Variants in FAM20A observed in about 807,000 individuals in gnomAD.
The protein encoded by FAM20A is pseudokinase FAM20A.
Under a neutral mutation model 52.0 loss-of-function variants are expected in FAM20A, and 42 were observed. The observed-to-expected ratio is 0.81, with a 90% CI of 0.63 to 1.04. The LOEUF is 1.04. FAM20A is among the 50% of genes least tolerant of loss of function. FAM20A has a pLI of 0.00. For missense variants in FAM20A, 742 were observed against 712.7 expected, an observed-to-expected ratio of 1.04 and a Z score of -0.47; for synonymous variants, 304 against 298.9, an observed-to-expected ratio of 1.02 and a Z score of -0.18.
chr17:68,554,350 C>G (rs2143701295), intron 3 of FAM20A, among the ~76,000 whole-genome samples: 1 of 152,266 alleles, frequency 6.6e-6, no homozygotes, highest in South Asian at 2.1e-4. Context: ...ATCCACCCGC[C>G]TCGGACTCCC....
chr17:68,554,719 G>C, intron 3 of FAM20A, 58 bp downstream of exon 3: 1 of 1,574,862 alleles, frequency 6.3e-7, no homozygotes, highest in Non-Finnish European at 8.7e-7. Flanking sequence ...GTGGGTTTTG[G>C]GGTTTGCACA....
intron 1 of FAM20A, among the ~76,000 whole-genome samples, chr17:68,589,631 T>C (rs1046822712): frequency 2.0e-5 from 3 of 152,178 alleles, no homozygotes; most frequent in African/African-American, 7.2e-5. Context: ...AAGTTTACTC[T>C]ATTTTCAAAT....
intron 4 of FAM20A, chr17:68,550,981 G>T: frequency 9.7e-7 from 1 of 1,034,492 alleles, no homozygotes; most frequent in Non-Finnish European, 1.2e-6. Flanking sequence ...CTGAAGGTTT[G>T]GAATCTGCCA....
At chr17:68,563,381 C>G (rs1299943478) in intron 1 of FAM20A, among the ~76,000 whole-genome samples, 1 of 71,520 alleles carries the variant, frequency 1.4e-5, no homozygotes, top group South Asian at 6.5e-4. Context: ...AGTGAGACTC[C>G]GTCTCAAAAA....
intron 1 of FAM20A, among the ~76,000 whole-genome samples, chr17:68,565,673 C>T (rs542564353): frequency 2.6e-5 from 4 of 152,258 alleles, no homozygotes; most frequent in African/African-American, 9.6e-5. Flanking sequence ...GGATTACAGG[C>T]ATGAGCCATC....
intron 3 of FAM20A, 37 bp from the exon 4 acceptor site, chr17:68,551,988 G>C (rs376979878): frequency 1.4e-6 from 2 of 1,397,804 alleles, no homozygotes; most frequent in African/African-American, 1.4e-5. Context: ...CCATGCTTCC[G>C]GGCCTCAGCC....
At chr17:68,544,287 G>T (rs1221132043) in intron 4 of FAM20A, among the ~76,000 whole-genome samples, 3 of 152,160 alleles carry the variant, frequency 2.0e-5, no homozygotes, top group Non-Finnish European at 4.4e-5. Flanking sequence ...AGGGCTGGGG[G>T]CAGCTGGTGC....
Position 68,600,805 on chromosome 17 carries a change from C to T in FAM20A, c.-139G>A. On this transcript the variant is annotated 5_prime_UTR_variant, in exon 1 of 11. Transcript: ENST00000592554. The surrounding 1 kb of genome is among the most constrained non-coding windows in gnomAD (Gnocchi z 6.2). ...CAGTGAGACCGGAATGCTCCCCGCGCGGGCTAGTCCCCTGTGGAGGGGTGT... is the reference window on the plus strand; with the variant it reads ...CAGTGAGACCGGAATGCTCCCCGCGTGGGCTAGTCCCCTGTGGAGGGGTGT... 1 of 926,258 alleles carries T rather than the reference C, an allele frequency of 1.1e-6. No individual in the cohort carries two copies. Among genetic ancestry groups the T allele is most frequent in the Non-Finnish European group, 1.6e-6 (1 of 639,214 alleles). The allele number at this position is 926,258 out of a possible 1,614,324, so 57.4% of individuals were successfully genotyped here. A position where few individuals can be genotyped will look rare whatever the true frequency, so the allele number is the denominator to read the frequency against.
chr17:68,561,774 C>T (rs1014799869), intron 1 of FAM20A, among the ~76,000 whole-genome samples: 2 of 152,118 alleles, frequency 1.3e-5, no homozygotes, highest in East Asian at 3.9e-4. Flanking sequence ...GTTGGCACAT[C>T]GTTCTAGAGG....
intron 1 of FAM20A, among the ~76,000 whole-genome samples, chr17:68,561,948 G>A (rs755744708): frequency 2.0e-5 from 3 of 152,090 alleles, no homozygotes; most frequent in African/African-American, 4.8e-5. Context: ...TCAGCCTCCC[G>A]AGTAGCTGGG....
chr17:68,575,631 T>TAA lies in FAM20A; in HGVS notation c.405-19890_405-19889dup, dbSNP rs552992899. ...TATATTCTATATTATATATAAAATA[T>TAA]AATATAGAATATTATATTTTATATA... On this transcript the variant is annotated intron_variant, in intron 1 of 10. Transcript: ENST00000592554. Among the ~76,000 whole-genome samples the TAA allele has an allele frequency of 2.7e-5, 3 of 111,182 alleles. No homozygotes were observed. In the East Asian group the frequency reaches 6.7e-4, roughly 25 times the overall value. The allele number at this position is 111,182 out of a possible 152,430, so 72.9% of individuals were successfully genotyped here. A position where few individuals can be genotyped will look rare whatever the true frequency, so the allele number is the denominator to read the frequency against.
chr17:68,544,532 G>A (rs1259750265), intron 4 of FAM20A, among the ~76,000 whole-genome samples: 2 of 152,156 alleles, frequency 1.3e-5, no homozygotes, highest in Non-Finnish European at 2.9e-5. Context: ...CTGTTGAAAC[G>A]ACTGCAAGGC....
intron 1 of FAM20A, among the ~76,000 whole-genome samples, chr17:68,584,466 G>GTTGTCCACAGTGGATTCCAT (rs2088110868): frequency 6.6e-6 from 1 of 152,208 alleles, no homozygotes; most frequent in African/African-American, 2.4e-5. Context: ...AACAGGGCTT[G>GTTGTCCACAGTGGATTCCAT]GTAAGGACAA....
rs1228431183 is a variant in FAM20A at position 68,600,284 on chromosome 17, C to T, written c.383G>A (p.Arg128Lys). 1 of 1,573,050 alleles carries T rather than the reference C, an allele frequency of 6.4e-7. No homozygotes were observed. The highest frequency in any genetic ancestry group is 1.8e-5 in the Admixed American group (1 of 55,162). The change falls in exon 1 of 11, where the codon AGG (arginine) becomes AAG (lysine). Residue 128 changes from arginine (R) to lysine (K), a missense_variant. Transcript: ENST00000592554. The surrounding 1 kb of genome is among the most constrained non-coding windows in gnomAD (Gnocchi z 6.2). ...ASQEALRYYRRKVARWNRRHK... is the reference protein window; with the variant it reads ...ASQEALRYYRKKVARWNRRHK... ...TCACCTGTTCCAGCGGGCCACCTTC[C>T]TCCGGTAATACCGCAGCGCCTCCTG...
At chr17:68,566,762 G>A (rs569642040) in intron 1 of FAM20A, among the ~76,000 whole-genome samples, 1 of 152,282 alleles carries the variant, frequency 6.6e-6, no homozygotes, top group South Asian at 2.1e-4. Context: ...GATTGCACTG[G>A]AGAAAACACA....
At chr17:68,563,056 C>T (rs76936289) in intron 1 of FAM20A, among the ~76,000 whole-genome samples, 4,619 of 152,198 alleles carry the variant, frequency 0.03, 102 homozygotes, top group Non-Finnish European at 0.046. Context: ...CCCTTTCCTC[C>T]AGCTGGTTAG....
Position 68,600,750 on chromosome 17 carries a change from G to A in FAM20A, c.-84C>T. On this transcript the variant is annotated 5_prime_UTR_variant, in exon 1 of 11. Coordinates refer to ENST00000592554, the MANE Select transcript of FAM20A (RefSeq NM_017565.4). The surrounding 1 kb of genome is among the most constrained non-coding windows in gnomAD (Gnocchi z 6.2). ...GGGTCGCGGGGTGCGGGCAGAAGAG[G>A]TGCCTGGAGTCCCGCGGGTGGGCCG... The A allele has an allele frequency of 7.0e-7, 1 of 1,425,856 alleles. No individual in the cohort carries two copies. The highest frequency in any genetic ancestry group is 2.6e-5 in the East Asian group (1 of 38,566). 88.3% of individuals were successfully genotyped at this position (1,425,856 alleles called of 1,614,324 possible). A position where few individuals can be genotyped will look rare whatever the true frequency, so the allele number is the denominator to read the frequency against.
At chr17:68,587,166 G>A (rs1052303306) in intron 1 of FAM20A, among the ~76,000 whole-genome samples, 7 of 152,192 alleles carry the variant, frequency 4.6e-5, no homozygotes, top group East Asian at 1.9e-4. Flanking sequence ...CCAAAGTGCC[G>A]GGATTATAGG....
At chr17:68,539,186 A>G (rs939425020) in intron 10 of FAM20A, 151 bp downstream of exon 10, 1 of 723,696 alleles carries the variant, frequency 1.4e-6, no homozygotes. Flanking sequence ...CATGCAGTGC[A>G]CAAATGTGTA....
Sources: allele counts gnomAD v4.1 joint callset (sites outside exome capture counted in the v4.1 genomes callset), GRCh38; gene constraint gnomAD v4.1.1; non-coding constraint Gnocchi (gnomAD v3.1); transcripts MANE v1.5; gene names NCBI Gene and HGNC (gene_info 2026-07-23, HGNC 2026-07-21).